ENPP3: variants seen among roughly 807,000 people sequenced by gnomAD.
The protein encoded by ENPP3 is ectonucleotide pyrophosphatase/phosphodiesterase 3, also known as ectonucleotide pyrophosphatase/phosphodiesterase family member 3.
Under a neutral mutation model 117.8 loss-of-function variants are expected in ENPP3, and 104 were observed. The observed-to-expected ratio is 0.88, with a 90% CI of 0.75 to 1.04. The LOEUF (loss-of-function observed/expected upper bound fraction) is 1.04, where lower values mean the gene tolerates loss of function less well. Ranked by LOEUF, ENPP3 falls within the 50% of genes least tolerant of loss-of-function variation. ENPP3 has a pLI of 0.00. For synonymous variants in ENPP3, 380 were observed against 349.9 expected (o/e 1.09, Z -0.96); for missense variants, 1,026 against 1,051.9 (o/e 0.98, Z 0.34).
intron 1 of ENPP3, among the ~76,000 whole-genome samples, chr6:131,639,265 A>ATAT (rs371737976): frequency 0.04 from 4,237 of 107,108 alleles, 294 homozygotes; most frequent in African/African-American, 0.13. Flanking sequence ...ATATATATAT[A>ATAT]TTTTTTTTTT....
chr6:131,742,982 C>T (rs899967651), intron 24 of ENPP3, among the ~76,000 whole-genome samples: 4 of 151,990 alleles, frequency 2.6e-5, no homozygotes, highest in African/African-American at 9.7e-5. Flanking sequence ...GAGGAATTTG[C>T]AGTATAGTAA....
intron 15 of ENPP3, among the ~76,000 whole-genome samples, chr6:131,718,016 T>C (rs62423435): frequency 0.015 from 2,305 of 152,320 alleles, 27 homozygotes; most frequent in Middle Eastern, 0.051. Flanking sequence ...GGCTGTACCA[T>C]CCAGGCTTGT....
chr6:131,691,925 A>G lies in ENPP3; in HGVS notation c.1285-1572A>G, dbSNP rs118101571. 3.9e-3 allele frequency among the ~76,000 whole-genome samples: 589 copies of G among 152,356 alleles called. 4 individuals carry two copies. Among genetic ancestry groups the G allele is most frequent in the Non-Finnish European group, 6.6e-3 (450 of 68,024 alleles). On this transcript the variant is annotated intron_variant, in intron 14 of 24. Coordinates refer to ENST00000357639, the MANE Select transcript of ENPP3 (RefSeq NM_005021.5). ...GAAGCATAAGAAGCCTAGAAAATAT[A>G]CCAAAATAGGCAAGAAAAAACTGGC...
At chr6:131,637,489 T>G (rs752240203) in intron 1 of ENPP3, 27 bp downstream of exon 1, 1 of 1,313,858 alleles carries the variant, frequency 7.6e-7, no homozygotes, top group South Asian at 1.3e-5. Context: ...TTTTTAGTCT[T>G]TCTAGTTTTG....
Position 131,683,137 on chromosome 6 carries a change from C to A in ENPP3, c.1095C>A (p.Val365=). ...GLKQRNLHNC[V]NIILLADHGM... is the part of the protein sequence containing the mutation. ...AGCAGCGGAATTTGCACAACTGTGTCAATATCATCCTTCTGGCTGACCATG... is the reference window on the plus strand; with the variant it reads ...AGCAGCGGAATTTGCACAACTGTGTAAATATCATCCTTCTGGCTGACCATG... Residue 365 remains valine (V), a synonymous_variant, in exon 12 of 25, where the codon GTC becomes GTA. Transcript: ENST00000357639. 6.2e-7 allele frequency: 1 copy of A among 1,603,708 alleles called. No homozygotes were observed. The highest frequency in any genetic ancestry group is 1.1e-5 in the South Asian group (1 of 90,410).
chr6:131,731,237 G>T (rs1780273402), intron 20 of ENPP3, among the ~76,000 whole-genome samples: 1 of 152,086 alleles, frequency 6.6e-6, no homozygotes, highest in African/African-American at 2.4e-5. Context: ...AGTGTCTAGT[G>T]GTCCTTGGCT....
chr6:131,654,448 C>T (rs1384923776), intron 5 of ENPP3, among the ~76,000 whole-genome samples: 1 of 151,878 alleles, frequency 6.6e-6, no homozygotes, highest in Non-Finnish European at 1.5e-5. Context: ...CCAGTGGAGG[C>T]ATTTTTTGTT....
intron 21 of ENPP3, among the ~76,000 whole-genome samples, chr6:131,734,532 C>T (rs78717747): frequency 0.011 from 1,653 of 152,184 alleles, 33 homozygotes; most frequent in African/African-American, 0.038. Flanking sequence ...GATAAATTAA[C>T]TGATAAATTT....
intron 11 of ENPP3, among the ~76,000 whole-genome samples, chr6:131,679,021 C>CT (rs1562446833): frequency 1.2e-4 from 13 of 104,282 alleles, no homozygotes; most frequent in African/African-American, 5.0e-4. Context: ...TTCCTTCCTT[C>CT]CTTCCTTCTT....
At chr6:131,678,000 C>A in intron 11 of ENPP3, 60 bp downstream of exon 11, 2 of 993,600 alleles carry the variant, frequency 2.0e-6, no homozygotes, top group South Asian at 1.4e-5. Flanking sequence ...CCCTAACCCA[C>A]AAAACAAGAT....
chr6:131,638,232 G>C (rs1777968347), intron 1 of ENPP3, among the ~76,000 whole-genome samples: 1 of 151,822 alleles, frequency 6.6e-6, no homozygotes, highest in Admixed American at 6.6e-5. Flanking sequence ...ATAACTTCCT[G>C]GTACTTTCTC....
intron 6 of ENPP3, among the ~76,000 whole-genome samples, chr6:131,669,271 A>G (rs1274737578): frequency 6.6e-6 from 1 of 152,180 alleles, no homozygotes; most frequent in African/African-American, 2.4e-5. Flanking sequence ...GGTGGTATTG[A>G]TTAAATAAGA....
At chr6:131,733,782 G>T (rs1585732767) in intron 21 of ENPP3, 59 bp downstream of exon 21, 2 of 1,572,802 alleles carry the variant, frequency 1.3e-6, no homozygotes, top group East Asian at 2.3e-5. Flanking sequence ...CTGGATGTGG[G>T]CATGTGCCTT....
At chr6:131,649,633 G>T (rs948983330) in intron 2 of ENPP3, among the ~76,000 whole-genome samples, 1 of 152,098 alleles carries the variant, frequency 6.6e-6, no homozygotes, top group African/African-American at 2.4e-5. Context: ...TCAGCTCACT[G>T]CAACCTCTGC....
chr6:131,637,929 A>AC (rs1189993946), intron 1 of ENPP3, among the ~76,000 whole-genome samples: 1 of 88,640 alleles, frequency 1.1e-5, no homozygotes, highest in South Asian at 3.7e-4. Flanking sequence ...ACCCCCCCTC[A>AC]CCCCCCAAAT....
intron 20 of ENPP3, among the ~76,000 whole-genome samples, chr6:131,731,509 ATT>A (rs1057051883): frequency 6.6e-6 from 1 of 152,092 alleles, no homozygotes; most frequent in African/African-American, 2.4e-5. Flanking sequence ...GTTTAATCTC[ATT>A]TCTTTCAGTA....
At position 131,690,539 on chromosome 6, in the gene ENPP3, A is replaced by G. The variant is rs180675223; in HGVS notation, c.1285-2958A>G. Among the ~76,000 whole-genome samples the G allele has an allele frequency of 1.1e-4, 16 of 152,324 alleles. No individual in the cohort carries two copies. The South Asian group carries it at 2.3e-3, about 22-fold the overall frequency. On this transcript the variant is annotated intron_variant, in intron 14 of 24. Coordinates refer to ENST00000357639, the MANE Select transcript of ENPP3 (RefSeq NM_005021.5). ...AAAGATTACAGTATAGTGTAAACAT[A>G]TTTATGTGCACTGGGAAACCAATTC...
At chr6:131,682,211 T>C (rs1439912952) in intron 11 of ENPP3, among the ~76,000 whole-genome samples, 1 of 152,074 alleles carries the variant, frequency 6.6e-6, no homozygotes, top group African/African-American at 2.4e-5. Context: ...CTTTTCCTTG[T>C]GGCCAAGCGT....
chr6:131,668,332 C>T lies in ENPP3; in HGVS notation c.563-2916C>T, dbSNP rs551521749. 1.0e-3 allele frequency among the ~76,000 whole-genome samples: 151 copies of T among 147,726 alleles called. 1 individual carries two copies. Among genetic ancestry groups the T allele is most frequent in the African/African-American group, 3.7e-3 (149 of 40,612 alleles). ...GGTTCCAGTGATTCTCCTGTCTCGC[C>T]CCCCCCTGAGGATCTGGGATTACAG... On this transcript the variant is annotated intron_variant, in intron 6 of 24. Transcript: ENST00000357639.
Sources: allele counts gnomAD v4.1 joint callset (sites outside exome capture counted in the v4.1 genomes callset), GRCh38; gene constraint gnomAD v4.1.1; transcripts MANE v1.5; gene names NCBI Gene and HGNC (gene_info 2026-07-23, HGNC 2026-07-21).